The following AGBL4 variants were observed in gnomAD, a reference collection of about 807,000 sequenced individuals.
The protein encoded by AGBL4 is AGBL carboxypeptidase 4.
Under a neutral mutation model 66.4 loss-of-function variants are expected in AGBL4, and 58 were observed. The ratio of observed to expected loss-of-function variants is 0.87; its 90% confidence interval spans 0.71 to 1.09. AGBL4 has a LOEUF of 1.09. Ranked by LOEUF, AGBL4 falls within the 50% of genes least tolerant of loss-of-function variation. The pLI is 0.00. For synonymous variants in AGBL4, 234 were observed against 222.9 expected (o/e 1.05, Z -0.44); for missense variants, 579 against 631.0 (o/e 0.92, Z 0.88).
At chr1:49,122,906 T>G (rs1645687551) in intron 4 of AGBL4, among the ~76,000 whole-genome samples, 1 of 152,142 alleles carries the variant, frequency 6.6e-6, no homozygotes. Flanking sequence ...CAGGGTGGAG[T>G]GCAGTGGTGC....
At chr1:49,724,385 T>C (rs1648851168) in intron 2 of AGBL4, among the ~76,000 whole-genome samples, 1 of 152,180 alleles carries the variant, frequency 6.6e-6, no homozygotes, top group Non-Finnish European at 1.5e-5. Flanking sequence ...CAACATATAA[T>C]TATTGTTGTG....
At chr1:49,170,449 TATATA>T (rs1327134037) in intron 4 of AGBL4, among the ~76,000 whole-genome samples, 1 of 142,990 alleles carries the variant, frequency 7.0e-6, no homozygotes, top group Admixed American at 7.1e-5. Flanking sequence ...TATATATGTT[TATATA>T]ATATATAAAT....
At chr1:49,083,114 G>A (rs1396609247) in intron 4 of AGBL4, among the ~76,000 whole-genome samples, 2 of 152,170 alleles carry the variant, frequency 1.3e-5, no homozygotes, top group African/African-American at 4.8e-5. Context: ...CCACCCTCCT[G>A]GCTGCTTTCA....
intron 3 of AGBL4, among the ~76,000 whole-genome samples, chr1:49,613,929 A>G (rs1571174908): frequency 6.6e-6 from 1 of 152,208 alleles, no homozygotes; most frequent in East Asian, 1.9e-4. Context: ...TGAAATTTAA[A>G]AAAAGAATAT....
chr1:49,578,224 G>A (rs1009651653), intron 3 of AGBL4, among the ~76,000 whole-genome samples: 6 of 152,204 alleles, frequency 3.9e-5, no homozygotes, highest in African/African-American at 1.2e-4. Flanking sequence ...GATGAAATCA[G>A]TCTACTACTC....
chr1:48,632,482 C>T (rs1645608785), intron 9 of AGBL4, among the ~76,000 whole-genome samples: 2 of 152,154 alleles, frequency 1.3e-5, no homozygotes, highest in African/African-American at 2.4e-5. Context: ...GTGTTCCTCC[C>T]CCAGGCTGCC....
chr1:48,762,612 TTTTGTGTGTGTGTGTGTG>T (rs1312982067), intron 6 of AGBL4, among the ~76,000 whole-genome samples: 41 of 127,966 alleles, frequency 3.2e-4, no homozygotes, highest in South Asian at 9.6e-4. Flanking sequence ...TCTTTAAGGG[TTTTGTGTGTGTGTGTGTG>T]TGTGTGTGTG....
At chr1:48,761,322 G>A in intron 6 of AGBL4, 3 of 1,540,316 alleles carry the variant, frequency 1.9e-6, no homozygotes, top group Non-Finnish European at 2.6e-6. Flanking sequence ...CCAAAGAAAG[G>A]AAAGATTTTG....
At chr1:48,911,932 T>C (rs2148882023) in intron 5 of AGBL4, among the ~76,000 whole-genome samples, 1 of 152,340 alleles carries the variant, frequency 6.6e-6, no homozygotes, top group East Asian at 1.9e-4. Context: ...AATAATTGCA[T>C]TATTTTTATA....
intron 2 of AGBL4, among the ~76,000 whole-genome samples, chr1:49,803,293 T>A (rs1571601443): frequency 6.6e-6 from 1 of 152,084 alleles, no homozygotes; most frequent in South Asian, 2.1e-4. Flanking sequence ...AATAACTTGC[T>A]CAAGATCATT....
At chr1:49,350,563 G>T (rs946908571) in intron 3 of AGBL4, among the ~76,000 whole-genome samples, 3 of 152,206 alleles carry the variant, frequency 2.0e-5, no homozygotes, top group African/African-American at 7.2e-5. Context: ...TGAAAGAGGT[G>T]AGGTGGTTGT....
chr1:49,564,417 C>T (rs950974218), intron 3 of AGBL4, among the ~76,000 whole-genome samples: 6 of 152,122 alleles, frequency 3.9e-5, no homozygotes, highest in African/African-American at 1.4e-4. Context: ...AATTTTAGAT[C>T]TTTCCTGCTT....
At chr1:49,316,504 G>C (rs1570419804) in intron 3 of AGBL4, among the ~76,000 whole-genome samples, 1 of 151,978 alleles carries the variant, frequency 6.6e-6, no homozygotes, top group Non-Finnish European at 1.5e-5. Flanking sequence ...GAGAGAGAGA[G>C]AGCATGAACG....
chr1:49,887,066 G>C (rs1648109591), intron 1 of AGBL4, among the ~76,000 whole-genome samples: 1 of 151,296 alleles, frequency 6.6e-6, no homozygotes, highest in African/African-American at 2.4e-5. Flanking sequence ...ATAAGACTTA[G>C]GATATCCTTC....
chr1:49,935,364 A>G (rs1653864639), intron 1 of AGBL4, among the ~76,000 whole-genome samples: 1 of 152,238 alleles, frequency 6.6e-6, no homozygotes, highest in Non-Finnish European at 1.5e-5. Context: ...CCACAGCTCA[A>G]GGTTGCCTGC....
intron 5 of AGBL4, among the ~76,000 whole-genome samples, chr1:48,872,258 T>C (rs1180828395): frequency 6.6e-6 from 1 of 152,174 alleles, no homozygotes; most frequent in Non-Finnish European, 1.5e-5. Flanking sequence ...AATGATATTG[T>C]ATTTATATAT....
At chr1:49,594,464 T>C (rs1035283121) in intron 3 of AGBL4, among the ~76,000 whole-genome samples, 2 of 152,056 alleles carry the variant, frequency 1.3e-5, no homozygotes, top group Admixed American at 1.3e-4. Context: ...GTCATCTAGG[T>C]TTTAAGCCCC....
At chr1:49,995,797 C>G (rs1375196823) in intron 1 of AGBL4, 1 of 153,494 alleles carries the variant, frequency 6.5e-6, no homozygotes, top group Non-Finnish European at 1.4e-5. Context: ...CACTTCACTC[C>G]CCTGCTACCT....
chr1:48,634,677 T>C, intron 8 of AGBL4, 73 bp from the exon 9 acceptor site: 1 of 1,050,264 alleles, frequency 9.5e-7, no homozygotes, highest in Non-Finnish European at 1.4e-6. Context: ...AATATGCTTA[T>C]GAGTAGGAGC....
Sources: gnomAD v4.1 joint callset for allele counts (sites outside exome capture counted in the v4.1 genomes callset) on GRCh38, gnomAD v4.1.1 for gene constraint, MANE v1.5 for transcripts, NCBI Gene and HGNC (gene_info 2026-07-23, HGNC 2026-07-21) for gene names.